ADAMTSL1: variants seen among roughly 807,000 people sequenced by gnomAD.
ADAMTSL1 encodes the protein ADAMTS-like protein 1.
In ADAMTSL1, 126 loss-of-function variants were observed where a neutral mutation model predicts 201.8. The observed-to-expected ratio is 0.62, with a 90% CI of 0.54 to 0.72. The LOEUF is 0.72. Among genes scored for constraint, ADAMTSL1 ranks in the 30% least tolerant of loss-of-function variants. The pLI, the probability that ADAMTSL1 is intolerant of heterozygous loss-of-function variation, is 0.00. For missense variants in ADAMTSL1, 2,679 were observed against 2,277.8 expected (o/e 1.18, Z -3.59); for synonymous variants, 1,121 against 903.4 (o/e 1.24, Z -4.32).
chr9:18,016,746 G>A (rs948402546), intron 1 of ADAMTSL1, among the ~76,000 whole-genome samples: 1 of 152,016 alleles, frequency 6.6e-6, no homozygotes, highest in African/African-American at 2.4e-5. Context: ...TTGGTATTTA[G>A]GGTATAAAAT....
At chr9:18,676,985 T>C (rs773317769) in intron 10 of ADAMTSL1, among the ~76,000 whole-genome samples, 6 of 152,058 alleles carry the variant, frequency 3.9e-5, no homozygotes, top group Non-Finnish European at 7.4e-5. Context: ...ATGTTAAATA[T>C]ATATTTACGC....
At chr9:18,654,392 A>C (rs189837406) in intron 7 of ADAMTSL1, among the ~76,000 whole-genome samples, 1 of 152,290 alleles carries the variant, frequency 6.6e-6, no homozygotes, top group Non-Finnish European at 1.5e-5. Flanking sequence ...CACAAACAAT[A>C]GTTAGAAATT....
At chr9:18,257,309 A>G (rs1357215702) in intron 2 of ADAMTSL1, among the ~76,000 whole-genome samples, 1 of 152,210 alleles carries the variant, frequency 6.6e-6, no homozygotes, top group Non-Finnish European at 1.5e-5. Flanking sequence ...AGATAATGTG[A>G]AAGGCAGAGA....
intron 1 of ADAMTSL1, among the ~76,000 whole-genome samples, chr9:18,096,619 T>G (rs1252550273): frequency 6.6e-6 from 1 of 152,234 alleles, no homozygotes; most frequent in Non-Finnish European, 1.5e-5. Context: ...TAGTTCCTAA[T>G]GCTTTTTAAA....
At chr9:18,718,562 C>T (rs1286796334) in intron 14 of ADAMTSL1, 1 of 467,414 alleles carries the variant, frequency 2.1e-6, no homozygotes, top group African/African-American at 2.0e-5. Context: ...ACCTCTCACG[C>T]TGTCACCGGG....
intron 1 of ADAMTSL1, among the ~76,000 whole-genome samples, chr9:18,483,576 C>A (rs10810973): frequency 6.6e-6 from 1 of 151,970 alleles, no homozygotes; most frequent in African/African-American, 2.4e-5. Flanking sequence ...ACCTGTAATC[C>A]CAGCACTTTG....
chr9:18,846,984 T>A (rs1366382759), intron 23 of ADAMTSL1, among the ~76,000 whole-genome samples: 3 of 152,128 alleles, frequency 2.0e-5, no homozygotes, highest in African/African-American at 7.2e-5. Flanking sequence ...GAGAGCTACA[T>A]GGGTGTGTAA....
At chr9:18,868,063 T>C (rs1169788971) in intron 23 of ADAMTSL1, among the ~76,000 whole-genome samples, 4 of 152,234 alleles carry the variant, frequency 2.6e-5, no homozygotes, top group Non-Finnish European at 5.9e-5. Flanking sequence ...TTTCTATTAT[T>C]ATATCTTGGA....
intron 8 of ADAMTSL1, among the ~76,000 whole-genome samples, chr9:18,659,013 G>A (rs1480584606): frequency 2.0e-5 from 3 of 152,180 alleles, no homozygotes; most frequent in Non-Finnish European, 4.4e-5. Context: ...TGCCAACTGA[G>A]TCAGTGTTTG....
intron 2 of ADAMTSL1, among the ~76,000 whole-genome samples, chr9:18,307,983 A>T (rs1253729333): frequency 6.6e-6 from 1 of 152,206 alleles, no homozygotes; most frequent in Non-Finnish European, 1.5e-5. Context: ...GACAGAAATC[A>T]TAACAAACAG....
intron 3 of ADAMTSL1, among the ~76,000 whole-genome samples, chr9:18,545,505 A>G (rs1013607209): frequency 7.9e-5 from 12 of 152,198 alleles, no homozygotes; most frequent in African/African-American, 2.9e-4. Context: ...TATTATAGCA[A>G]TTATAATTCT....
intron 1 of ADAMTSL1, among the ~76,000 whole-genome samples, chr9:18,061,003 C>T (rs557716754): frequency 2.1e-4 from 32 of 152,246 alleles, no homozygotes; most frequent in African/African-American, 6.0e-4. Flanking sequence ...CTACCTGTTA[C>T]TCATGGCAGT....
chr9:18,317,193 A>G (rs574487849), intron 2 of ADAMTSL1, among the ~76,000 whole-genome samples: 1 of 152,262 alleles, frequency 6.6e-6, no homozygotes, highest in African/African-American at 2.4e-5. Context: ...AGTTAAATCC[A>G]TAGAAGCAGA....
chr9:18,818,790 A>C (rs762215891), intron 21 of ADAMTSL1, among the ~76,000 whole-genome samples: 2 of 148,916 alleles, frequency 1.3e-5, no homozygotes, highest in African/African-American at 2.5e-5. Context: ...ACCCTATCTC[A>C]AAAAAAAAAA....
At chr9:18,014,192 GC>G (rs1381084336) in intron 1 of ADAMTSL1, among the ~76,000 whole-genome samples, 1 of 151,940 alleles carries the variant, frequency 6.6e-6, no homozygotes, top group Non-Finnish European at 1.5e-5. Context: ...CCCAGGAAGT[GC>G]CCCCCATACA....
intron 2 of ADAMTSL1, among the ~76,000 whole-genome samples, chr9:18,332,340 G>A (rs113347839): frequency 3.3e-5 from 5 of 152,214 alleles, no homozygotes; most frequent in African/African-American, 9.6e-5. Flanking sequence ...TAAAAATGAG[G>A]ATTCAGAATT....
intron 2 of ADAMTSL1, among the ~76,000 whole-genome samples, chr9:18,334,747 A>G (rs932493769): frequency 6.6e-6 from 1 of 152,162 alleles, no homozygotes; most frequent in African/African-American, 2.4e-5. Context: ...AACAACAGAA[A>G]CCAAATAGAA....
chr9:18,555,154 G>A (rs1414954858), intron 3 of ADAMTSL1, among the ~76,000 whole-genome samples: 2 of 151,652 alleles, frequency 1.3e-5, no homozygotes, highest in Non-Finnish European at 2.9e-5. Context: ...TTGCCTTACA[G>A]TCCTGGCATT....
intron 21 of ADAMTSL1, among the ~76,000 whole-genome samples, chr9:18,819,581 G>T (rs1222131758): frequency 6.6e-6 from 1 of 152,114 alleles, no homozygotes; most frequent in African/African-American, 2.4e-5. Flanking sequence ...ATATTAAAAC[G>T]AGCTTTGGCC....
Sources: allele counts gnomAD v4.1 joint callset (sites outside exome capture counted in the v4.1 genomes callset), GRCh38; gene constraint gnomAD v4.1.1; transcripts MANE v1.5; gene names NCBI Gene and HGNC (gene_info 2026-07-23, HGNC 2026-07-21).